Variants in NMUR1 observed in about 807,000 individuals in gnomAD.
NMUR1 encodes the protein neuromedin-U receptor 1.
A neutral mutation model predicts 18.8 loss-of-function variants in NMUR1; 16 were observed. The observed-to-expected ratio is 0.85, with a 90% CI of 0.58 to 1.29. The LOEUF is 1.29. Ranked by LOEUF, NMUR1 falls within the 50% of genes most tolerant of loss-of-function variation. The pLI, the probability that NMUR1 is intolerant of heterozygous loss-of-function variation, is 0.00. For synonymous variants in NMUR1, 258 were observed against 258.2 expected (o/e 1.00, Z 0.01); for missense variants, 529 against 580.3 (o/e 0.91, Z 0.91).
chr2:231,522,458 A>G (rs2047314054), downstream of NMUR1, among the ~76,000 whole-genome samples: 1 of 151,892 alleles, frequency 6.6e-6, no homozygotes, highest in Non-Finnish European at 1.5e-5. Flanking sequence ...TCCAGCCTGC[A>G]GTTTGGGATC....
downstream of NMUR1, among the ~76,000 whole-genome samples, chr2:231,522,281 G>A (rs1189123533): frequency 2.2e-5 from 3 of 135,602 alleles, no homozygotes; most frequent in Non-Finnish European, 4.8e-5. Flanking sequence ...CACCATGCCC[G>A]GCCCAGAGGG....
downstream of NMUR1, among the ~76,000 whole-genome samples, chr2:231,522,478 C>T (rs1325301815): frequency 1.3e-5 from 2 of 151,904 alleles, no homozygotes; most frequent in Non-Finnish European, 2.9e-5. Flanking sequence ...CCGGCATCTC[C>T]CCCTCCCACC....
chr2:231,521,713 A>G (rs2047305142), downstream of NMUR1, among the ~76,000 whole-genome samples: 1 of 152,082 alleles, frequency 6.6e-6, no homozygotes, highest in Non-Finnish European at 1.5e-5. Flanking sequence ...GCCCCAGATG[A>G]GCTAGATACT....
chr2:231,525,090 C>T lies in NMUR1; in HGVS notation c.1234G>A (p.Ala412Thr). 1 of 1,607,672 alleles carries T rather than the reference C, an allele frequency of 6.2e-7. No homozygotes were observed. The highest frequency in any genetic ancestry group is 8.5e-7 in the Non-Finnish European group (1 of 1,176,682). The stretch of plus-strand genomic sequence containing the variant: ...TGCGCCTCTGGGCCATCGTTCCCAG[C>T]CAGGGGGTGGACCCAGCTGCCCAGG... ...GSLGSWVHPL[A>T]GNDGPEAQQE... The change falls in exon 3 of 3, where the codon GCT (alanine) becomes ACT (threonine). Residue 412 changes from alanine (A) to threonine (T), a missense_variant. Coordinates refer to ENST00000305141, the MANE Select transcript of NMUR1 (RefSeq NM_006056.5).
intron 2 of NMUR1, among the ~76,000 whole-genome samples, chr2:231,526,602 T>G (rs748932627): frequency 2.6e-5 from 4 of 152,198 alleles, no homozygotes; most frequent in Non-Finnish European, 5.9e-5. Context: ...CACATAGCTC[T>G]GGGGTCAGCC....
chr2:231,521,973 C>CTCTCTTTTTT (rs71396675), downstream of NMUR1, among the ~76,000 whole-genome samples: 16 of 83,848 alleles, frequency 1.9e-4, no homozygotes, highest in African/African-American at 3.9e-4. Context: ...TTTTTTTTCT[C>CTCTCTTTTTT]TTTTTTTTTT....
Position 231,524,172 on chromosome 2 carries a change from GA to G in NMUR1, c.*870del, listed in dbSNP as rs2047331249. The G allele has an allele frequency of 6.6e-6, 1 of 152,236 alleles. No homozygotes were observed. Among genetic ancestry groups the G allele is most frequent in the African/African-American group, 2.4e-5 (1 of 41,460 alleles). The allele number at this position is 152,236 out of a possible 1,614,324, so 9.4% of individuals were successfully genotyped here. ...GCAGTGGCTTACACACACACAGAAA[GA>G]AAACCATAGCTAAAGTGCCAAAGCA... On this transcript the variant is annotated 3_prime_UTR_variant, in exon 3 of 3. Coordinates refer to ENST00000305141, the MANE Select transcript of NMUR1 (RefSeq NM_006056.5).
intron 2 of NMUR1, 25 bp from the exon 3 acceptor site, chr2:231,525,450 G>A (rs750998082): frequency 3.2e-6 from 5 of 1,580,802 alleles, no homozygotes; most frequent in Non-Finnish European, 4.3e-6. Flanking sequence ...AAGGGAGGCC[G>A]AGTGCCCGCC....
Position 231,524,743 on chromosome 2 carries a change from G to A in NMUR1, c.*300C>T, listed in dbSNP as rs1036415989. The A allele has an allele frequency of 4.4e-5, 14 of 318,288 alleles. No homozygotes were observed. Among genetic ancestry groups the A allele is most frequent in the Admixed American group, 4.5e-5 (1 of 22,442 alleles). 19.7% of individuals were successfully genotyped at this position (318,288 alleles called of 1,614,324 possible). On this transcript the variant is annotated 3_prime_UTR_variant, in exon 3 of 3. Transcript: ENST00000305141. ...GCAGTGGTGGCAGGGAGTCCCCAGA[G>A]GGAGGACTGCTGAGCCCCAGCTAAC... is the stretch of plus-strand genomic sequence containing the variant.
intron 1 of NMUR1, among the ~76,000 whole-genome samples, chr2:231,530,012 T>G (rs1293486085): frequency 6.6e-6 from 1 of 152,252 alleles, no homozygotes; most frequent in Admixed American, 6.5e-5. Context: ...CTGCCAGTTC[T>G]GGGGTTCCCT....
Position 231,524,975 on chromosome 2 carries a change from G to T in NMUR1, c.*68C>A. 1 of 1,498,304 alleles carries T rather than the reference G, an allele frequency of 6.7e-7. No homozygotes were observed. Among genetic ancestry groups the T allele is most frequent in the East Asian group, 2.3e-5 (1 of 43,988 alleles). The allele number at this position is 1,498,304 out of a possible 1,614,324, so 92.8% of individuals were successfully genotyped here. A position where few individuals can be genotyped will look rare whatever the true frequency, so the allele number is the denominator to read the frequency against. On this transcript the variant is annotated 3_prime_UTR_variant, in exon 3 of 3. Coordinates refer to ENST00000305141, the MANE Select transcript of NMUR1 (RefSeq NM_006056.5). The stretch of plus-strand genomic sequence containing the variant: ...CGTGAAGGCATCCCTGCAGAGGAAG[G>T]CAGATGTGTCTCCCCAGCTCCAGGT...
downstream of NMUR1, among the ~76,000 whole-genome samples, chr2:231,520,545 A>C (rs2047296083): frequency 6.6e-6 from 1 of 152,202 alleles, no homozygotes; most frequent in Admixed American, 6.5e-5. Context: ...GATTCCCCCC[A>C]ATAAGAAAGG....
downstream of NMUR1, among the ~76,000 whole-genome samples, chr2:231,522,035 A>G (rs559294719): frequency 5.1e-5 from 7 of 136,544 alleles, no homozygotes; most frequent in African/African-American, 2.0e-4. Flanking sequence ...GCTGGAGTAC[A>G]GTAGCACAAT....
rs1212999168 is a variant in NMUR1, at chr2:231,530,403, C to T, written c.-42G>A. 1 of 1,475,950 alleles carries T rather than the reference C, an allele frequency of 6.8e-7. No individual in the cohort carries two copies. 91.4% of individuals were successfully genotyped at this position (1,475,950 alleles called of 1,614,324 possible). A position where few individuals can be genotyped will look rare whatever the true frequency, so the allele number is the denominator to read the frequency against. ...GAGACCCCGGCTTCCACCCTCCGAG[C>T]GACGGACACAGACGCGGCGCGGGAG... is the stretch of plus-strand genomic sequence containing the variant. On this transcript the variant is annotated 5_prime_UTR_variant, in exon 1 of 3. Coordinates refer to ENST00000305141, the MANE Select transcript of NMUR1 (RefSeq NM_006056.5).
At chr2:231,526,819 C>T (rs1012624270) in intron 2 of NMUR1, among the ~76,000 whole-genome samples, 2 of 151,940 alleles carry the variant, frequency 1.3e-5, no homozygotes, top group Non-Finnish European at 1.5e-5. Context: ...GTGGATGGGG[C>T]GGATCTTTGA....
rs1390102866 is a variant in NMUR1, at chr2:231,524,545, ACT to A, written c.*496_*497del. On this transcript the variant is annotated 3_prime_UTR_variant, in exon 3 of 3. Transcript: ENST00000305141. ...ACTCTAGCCTGGGCGACAGAGTGAG[ACT>A]CTGTCTCAGAAAAAAAGAAAGGTAG... 3 of 153,960 alleles carry A rather than the reference ACT, an allele frequency of 1.9e-5. No homozygotes were observed. The highest frequency in any genetic ancestry group is 6.4e-5 in the Admixed American group (1 of 15,626). 9.5% of individuals were successfully genotyped at this position (153,960 alleles called of 1,614,324 possible).
chr2:231,530,388 C>T lies in NMUR1; in HGVS notation c.-27G>A. On this transcript the variant is annotated 5_prime_UTR_variant, in exon 1 of 3. Transcript: ENST00000305141. Reference sequence around the variant, plus strand: ...CGGCCCGCGGCCCGCGAGACCCCGGCTTCCACCCTCCGAGCGACGGACACA... The same window carrying T: ...CGGCCCGCGGCCCGCGAGACCCCGGTTTCCACCCTCCGAGCGACGGACACA... The T allele has an allele frequency of 6.7e-7, 1 of 1,484,014 alleles. No homozygotes were observed. Among genetic ancestry groups the T allele is most frequent in the Non-Finnish European group, 8.9e-7 (1 of 1,124,450 alleles). 91.9% of individuals were successfully genotyped at this position (1,484,014 alleles called of 1,614,324 possible). A position where few individuals can be genotyped will look rare whatever the true frequency, so the allele number is the denominator to read the frequency against.
downstream of NMUR1, among the ~76,000 whole-genome samples, chr2:231,522,995 A>G (rs72991338): frequency 0.28 from 42,439 of 151,936 alleles, 6,498 homozygotes; most frequent in East Asian, 0.5. Flanking sequence ...TGGTTTATGC[A>G]AGTCCTACTC....
chr2:231,522,129 G>GC (rs553172155), downstream of NMUR1, among the ~76,000 whole-genome samples: 48 of 151,874 alleles, frequency 3.2e-4, no homozygotes, highest in Admixed American at 4.6e-4. Context: ...ACAGGTGTAT[G>GC]CCACCACACC....
Sources: gnomAD v4.1 joint callset for allele counts (sites outside exome capture counted in the v4.1 genomes callset) on GRCh38, gnomAD v4.1.1 for gene constraint, MANE v1.5 for transcripts, NCBI Gene and HGNC (gene_info 2026-07-23, HGNC 2026-07-21) for gene names.